The following NALF1 variants were observed in gnomAD, a reference collection of about 807,000 sequenced individuals.
NALF1 encodes the protein NALCN channel auxiliary factor 1, also known as family with sequence similarity 155 member A.
A neutral mutation model predicts 48.4 loss-of-function variants in NALF1; 3 were observed. The ratio of observed to expected loss-of-function variants is 0.06; its 90% CI spans 0.03 to 0.16. NALF1 has a LOEUF of 0.16. Among genes scored for constraint, NALF1 ranks in the 10% least tolerant of loss-of-function variants. The probability of loss-of-function intolerance (pLI) is 1.00; values close to 1 mark genes in which losing one functional copy is unlikely to be tolerated. For missense variants in NALF1, 526 were observed against 571.5 expected (o/e 0.92, Z 0.81); for synonymous variants, 262 against 245.7 (o/e 1.07, Z -0.62).
chr13:107,327,768 T>C (rs1025764572), intron 1 of NALF1, among the ~76,000 whole-genome samples: 2 of 152,178 alleles, frequency 1.3e-5, no homozygotes, highest in South Asian at 4.1e-4. Context: ...TACTTGCTAA[T>C]TAGCCTGAAC....
chr13:107,866,736 T>C lies in NALF1; in HGVS notation c.-140A>G, dbSNP rs1364602891. 3 of 648,250 alleles carry C rather than the reference T, an allele frequency of 4.6e-6. No homozygotes were observed. The highest frequency in any genetic ancestry group is 2.9e-5 in the Admixed American group (1 of 34,224). The allele number at this position is 648,250 out of a possible 1,614,324, so 40.2% of individuals were successfully genotyped here. A position where few individuals can be genotyped will look rare whatever the true frequency, so the allele number is the denominator to read the frequency against. On this transcript the variant is annotated 5_prime_UTR_variant, in exon 1 of 3. Transcript: ENST00000375915. The surrounding 1 kb of genome is among the most constrained non-coding windows in gnomAD (Gnocchi z 4.4). ...TCTCTCTCCTCTCTCTCTTTCTCTC[T>C]CTTCCCCTCTCCCTCTCTCCTCTCT...
At chr13:107,348,876 C>T (rs76816598) in intron 1 of NALF1, among the ~76,000 whole-genome samples, 3,190 of 152,298 alleles carry the variant, frequency 0.021, 48 homozygotes, top group African/African-American at 0.04. Context: ...TACCGTTTCC[C>T]TCATGTTAAA....
intron 1 of NALF1, among the ~76,000 whole-genome samples, chr13:107,376,984 C>G (rs1289817028): frequency 6.6e-6 from 1 of 152,124 alleles, no homozygotes; most frequent in East Asian, 1.9e-4. Context: ...ATTCTCTGGC[C>G]GCATTTAATG....
rs373314952 is a variant in NALF1 at position 107,789,683 on chromosome 13, T to G, written c.915+75999A>C. 6.6e-5 allele frequency among the ~76,000 whole-genome samples: 10 copies of G among 152,272 alleles called. No individual in the cohort carries two copies. In the East Asian group the frequency reaches 9.7e-4, roughly 15 times the overall value. On this transcript the variant is annotated intron_variant, in intron 1 of 2. Transcript: ENST00000375915. The stretch of plus-strand genomic sequence containing the variant: ...TTTTCCATGTTAGAGATAATAAAAC[T>G]GAGACTCAGACAGATTCTTTTTCAG...
chr13:107,779,832 G>C (rs527763204), intron 1 of NALF1, among the ~76,000 whole-genome samples: 5 of 152,236 alleles, frequency 3.3e-5, no homozygotes, highest in African/African-American at 1.2e-4. Context: ...TTATTGAATA[G>C]ATACAAACAA....
intron 1 of NALF1, among the ~76,000 whole-genome samples, chr13:107,386,948 T>C (rs1000736780): frequency 3.3e-5 from 5 of 152,164 alleles, no homozygotes; most frequent in African/African-American, 1.2e-4. Flanking sequence ...CATGCCAGAC[T>C]AAAGAATGAT....
At chr13:107,291,490 CAAA>C (rs66746220) in intron 1 of NALF1, among the ~76,000 whole-genome samples, 40 of 144,994 alleles carry the variant, frequency 2.8e-4, no homozygotes, top group East Asian at 6.1e-4. Context: ...AAGGTGTATA[CAAA>C]AAAAAAAAAA....
intron 1 of NALF1, among the ~76,000 whole-genome samples, chr13:107,633,863 T>C (rs969311260): frequency 2.8e-5 from 4 of 144,424 alleles, no homozygotes; most frequent in African/African-American, 9.9e-5. Flanking sequence ...CACATATATG[T>C]GTGTGTATGT....
At chr13:107,855,409 T>G (rs1880419863) in intron 1 of NALF1, among the ~76,000 whole-genome samples, 1 of 152,238 alleles carries the variant, frequency 6.6e-6, no homozygotes, top group Admixed American at 6.5e-5. Flanking sequence ...GTGTATTTTA[T>G]GTGTGGCTCA....
intron 1 of NALF1, among the ~76,000 whole-genome samples, chr13:107,804,839 T>G (rs1878726613): frequency 6.6e-6 from 1 of 152,220 alleles, no homozygotes; most frequent in African/African-American, 2.4e-5. Flanking sequence ...TATATATTTC[T>G]GTTCAAACCA....
At chr13:107,247,078 C>T (rs1880600793) in intron 1 of NALF1, among the ~76,000 whole-genome samples, 1 of 152,124 alleles carries the variant, frequency 6.6e-6, no homozygotes, top group African/African-American at 2.4e-5. Flanking sequence ...GGAAAAAATT[C>T]TTCTCACCCA....
intron 1 of NALF1, among the ~76,000 whole-genome samples, chr13:107,728,512 C>A (rs1436221405): frequency 6.6e-6 from 1 of 151,620 alleles, no homozygotes; most frequent in Non-Finnish European, 1.5e-5. Flanking sequence ...GAGGGGAACA[C>A]CACACACCGG....
intron 2 of NALF1, among the ~76,000 whole-genome samples, chr13:107,171,888 G>C (rs756749377): frequency 8.5e-5 from 13 of 152,174 alleles, no homozygotes; most frequent in Non-Finnish European, 1.8e-4. Flanking sequence ...GATTACATGA[G>C]ATTTTTCATG....
intron 1 of NALF1, among the ~76,000 whole-genome samples, chr13:107,615,820 G>A (rs1237258599): frequency 6.6e-6 from 1 of 152,040 alleles, no homozygotes; most frequent in Non-Finnish European, 1.5e-5. Flanking sequence ...TATCTTCATC[G>A]AGCAGCAATA....
At chr13:107,605,623 T>C (rs1879044876) in intron 1 of NALF1, among the ~76,000 whole-genome samples, 1 of 152,198 alleles carries the variant, frequency 6.6e-6, no homozygotes, top group Non-Finnish European at 1.5e-5. Flanking sequence ...AAATTCTAAC[T>C]TGATCCTTCT....
intron 1 of NALF1, among the ~76,000 whole-genome samples, chr13:107,761,628 A>C (rs1380934646): frequency 6.6e-6 from 1 of 152,210 alleles, no homozygotes; most frequent in African/African-American, 2.4e-5. Flanking sequence ...AATTCCAATT[A>C]GGCATTGTGC....
intron 1 of NALF1, among the ~76,000 whole-genome samples, chr13:107,249,114 A>G (rs1042812356): frequency 2.0e-5 from 3 of 152,116 alleles, no homozygotes; most frequent in African/African-American, 7.2e-5. Flanking sequence ...CAGCCTACTC[A>G]GAGGAAGATT....
In NALF1 at chr13:107,167,933, T is replaced by C. The variant is rs1308742020; in HGVS notation, c.*2564A>G. 6.6e-6 allele frequency: 1 copy of C among 152,320 alleles called. No individual in the cohort carries two copies. Among genetic ancestry groups the C allele is most frequent in the East Asian group, 1.9e-4 (1 of 5,182 alleles). The allele number at this position is 152,320 out of a possible 1,614,324, so 9.4% of individuals were successfully genotyped here. A position where few individuals can be genotyped will look rare whatever the true frequency, so the allele number is the denominator to read the frequency against. ...GTCAGTTCAAAATATATTGAGAAAA[T>C]GAAAACCTATATTTTAAGGAATACT... On this transcript the variant is annotated 3_prime_UTR_variant, in exon 3 of 3. Coordinates refer to ENST00000375915, the MANE Select transcript of NALF1 (RefSeq NM_001080396.3).
chr13:107,757,437 G>A (rs3858801), intron 1 of NALF1, among the ~76,000 whole-genome samples: 18,220 of 109,666 alleles, frequency 0.17, 1,427 homozygotes, highest in Admixed American at 0.28. Flanking sequence ...TTTTTTTTCA[G>A]TCAACAGGTA....
Sources: gnomAD v4.1 joint callset for allele counts (sites outside exome capture counted in the v4.1 genomes callset) on GRCh38, gnomAD v4.1.1 for gene constraint, Gnocchi (gnomAD v3.1) non-coding constraint, MANE v1.5 for transcripts, NCBI Gene and HGNC (gene_info 2026-07-23, HGNC 2026-07-21) for gene names.